The following NHSL1 variants were observed in gnomAD, a reference collection of about 807,000 sequenced individuals.
The protein encoded by NHSL1 is NHS like 1.
In NHSL1, 48 loss-of-function variants were observed where a neutral mutation model predicts 95.0. The ratio of observed to expected loss-of-function variants is 0.51; its 90% CI spans 0.40 to 0.64. NHSL1 has a LOEUF of 0.64. NHSL1 is among the 30% of genes least tolerant of loss of function. The pLI, the probability that NHSL1 is intolerant of heterozygous loss-of-function variation, is 0.00. For synonymous variants in NHSL1, 783 were observed against 833.9 expected (o/e 0.94, Z 1.05); for missense variants, 1,971 against 2,077.7 (o/e 0.95, Z 1.00).
At position 138,432,618 on chromosome 6, in the gene NHSL1, G is replaced by A. The variant is rs1775776280; in HGVS notation, c.1727C>T (p.Ser576Phe). The A allele has an allele frequency of 6.4e-7, 1 of 1,551,612 alleles. No homozygotes were observed. Among genetic ancestry groups the A allele is most frequent in the African/African-American group, 1.4e-5 (1 of 73,132 alleles). Residue 576 changes from serine (S) to phenylalanine (F), a missense_variant, in exon 6 of 8, where the codon TCC becomes TTC. This residue lies in a region of NHSL1 where 1,602 missense variants were observed against 1,654.5 expected (regional missense o/e 0.97). Coordinates refer to ENST00000343505, the MANE Select transcript of NHSL1 (RefSeq NM_001144060.2). The surrounding 1 kb of genome is among the most constrained non-coding windows in gnomAD (Gnocchi z 4.4). The stretch of plus-strand genomic sequence containing the variant: ...GCTGCTCATGTTACTTGTGGGAGTG[G>A]AATAGCCAGGAGTTGCTAAATGCGG... ...LKPHLATPGY[S>F]TPTSNMSSCS...
chr6:138,479,519 G>A (rs1318207510), intron 2 of NHSL1, among the ~76,000 whole-genome samples: 1 of 152,178 alleles, frequency 6.6e-6, no homozygotes, highest in African/African-American at 2.4e-5. Context: ...GATGGACAAA[G>A]GGAGGTTTCA....
intron 1 of NHSL1, among the ~76,000 whole-genome samples, chr6:138,595,874 C>T (rs533230052): frequency 1.6e-4 from 25 of 152,228 alleles, no homozygotes; most frequent in South Asian, 2.1e-4. Flanking sequence ...CTATGTGCCA[C>T]GATCTGTATA....
intron 1 of NHSL1, among the ~76,000 whole-genome samples, chr6:138,529,799 C>T (rs774554913): frequency 1.3e-5 from 2 of 152,236 alleles, no homozygotes; most frequent in African/African-American, 2.4e-5. Flanking sequence ...CCTGTGATTA[C>T]ATTAGGCCCA....
intron 1 of NHSL1, among the ~76,000 whole-genome samples, chr6:138,520,403 C>A (rs1781631054): frequency 6.6e-6 from 1 of 150,828 alleles, no homozygotes. Context: ...ATTCTCCTGC[C>A]CTCCACCTTC....
chr6:138,530,991 A>T (rs1373489422), intron 1 of NHSL1, among the ~76,000 whole-genome samples: 1 of 152,132 alleles, frequency 6.6e-6, no homozygotes, highest in African/African-American at 2.4e-5. Context: ...TTTTTAAAAA[A>T]AAGGCCACAG....
intron 1 of NHSL1, among the ~76,000 whole-genome samples, chr6:138,606,660 T>C (rs1040551102): frequency 6.6e-6 from 1 of 151,580 alleles, no homozygotes; most frequent in Admixed American, 6.6e-5. Flanking sequence ...GCAGTGTCCC[T>C]ACCCCACCTT....
rs970344879 is a variant in NHSL1 at position 138,526,461 on chromosome 6, A to G, written c.16+19162T>C. Among the ~76,000 whole-genome samples, 3 of 152,196 alleles carry G rather than the reference A, an allele frequency of 2.0e-5. No homozygotes were observed. The East Asian group carries it at 5.8e-4, about 29-fold the overall frequency. On this transcript the variant is annotated intron_variant, in intron 1 of 4. Transcript: ENST00000342260. The stretch of plus-strand genomic sequence containing the variant: ...GCACCACTGCACTCCAGCCTGGGTG[A>G]TAGAGTGAGCCCTGTCTGGAAAAAT...
At chr6:138,488,848 T>C (rs1011163597) in intron 2 of NHSL1, among the ~76,000 whole-genome samples, 2 of 152,188 alleles carry the variant, frequency 1.3e-5, no homozygotes, top group South Asian at 2.1e-4. Context: ...GAGATCAGAA[T>C]AGGCCAGCAT....
At chr6:138,515,791 G>A (rs117909084) in intron 1 of NHSL1, among the ~76,000 whole-genome samples, 4,331 of 152,328 alleles carry the variant, frequency 0.028, 81 homozygotes, top group South Asian at 0.049. Flanking sequence ...GGTGACATGT[G>A]AGCTAGGCCT....
At chr6:138,455,635 C>A (rs1440785116) in intron 3 of NHSL1, among the ~76,000 whole-genome samples, 1 of 152,178 alleles carries the variant, frequency 6.6e-6, no homozygotes, top group Non-Finnish European at 1.5e-5. Flanking sequence ...TCTCCATTTC[C>A]AGATTAAAAT....
intron 5 of NHSL1, among the ~76,000 whole-genome samples, chr6:138,440,094 G>T (rs1351710841): frequency 2.0e-5 from 3 of 151,980 alleles, no homozygotes; most frequent in Non-Finnish European, 4.4e-5. Context: ...CTTTACTTGG[G>T]CCACACTATC....
rs199956801 is a variant in NHSL1 at position 138,460,901 on chromosome 6, CT to C, written c.339+12404del. Among the ~76,000 whole-genome samples, 30 of 151,910 alleles carry C rather than the reference CT, an allele frequency of 2.0e-4. No homozygotes were observed. The East Asian group carries it at 5.8e-3, about 29-fold the overall frequency. On this transcript the variant is annotated intron_variant, in intron 3 of 7. Coordinates refer to ENST00000343505, the MANE Select transcript of NHSL1 (RefSeq NM_001144060.2). ...ATAGCACGACCCATCCAACACCTAC[CT>C]GAATCCTTCACAGCCTCGCTTCTAA...
Position 138,433,165 on chromosome 6 carries a change from T to G in NHSL1, c.1180A>C (p.Asn394His). Reference sequence around the variant, plus strand: ...ACCACACACGCTGGGCTCATTATATTTTCACTCTCGAAGTGTCTCAACTCC... The same window carrying G: ...ACCACACACGCTGGGCTCATTATATGTTCACTCTCGAAGTGTCTCAACTCC... Reference protein sequence around the residue: ...SQELRHFESENIMSPACVVSP... With the variant: ...SQELRHFESEHIMSPACVVSP... The change falls in exon 6 of 8, where the codon AAT becomes CAT. Residue 394 changes from asparagine (N) to histidine (H), a missense_variant. This residue lies in a region of NHSL1 where 1,602 missense variants were observed against 1,654.5 expected (regional missense o/e 0.97). Transcript: ENST00000343505. The G allele has an allele frequency of 6.4e-7, 1 of 1,551,408 alleles. No individual in the cohort carries two copies. The highest frequency in any genetic ancestry group is 8.7e-7 in the Non-Finnish European group (1 of 1,146,908).
chr6:138,671,260 C>T (rs1295539628), intron 1 of NHSL1, among the ~76,000 whole-genome samples: 1 of 151,938 alleles, frequency 6.6e-6, no homozygotes, highest in East Asian at 1.9e-4. Context: ...AGTTCGAGAC[C>T]AGCCTGGCCA....
In NHSL1 at chr6:138,650,353, G is replaced by T; in HGVS notation, c.96+42123C>A. On this transcript the variant is annotated intron_variant, in intron 1 of 3. Transcript: ENST00000491526. Reference sequence around the variant, plus strand: ...TTGAACACCGGGGAGTAACGGGGGAGCCCAGCCTGCAGCCCACAGTTGTTC... The same window carrying T: ...TTGAACACCGGGGAGTAACGGGGGATCCCAGCCTGCAGCCCACAGTTGTTC... 5 of 1,135,504 alleles carry T rather than the reference G, an allele frequency of 4.4e-6. No homozygotes were observed. In the East Asian group the frequency reaches 1.1e-4, roughly 24 times the overall value. 70.3% of individuals were successfully genotyped at this position (1,135,504 alleles called of 1,614,324 possible).
At chr6:138,660,596 G>A (rs1018718785) in intron 1 of NHSL1, among the ~76,000 whole-genome samples, 1 of 150,498 alleles carries the variant, frequency 6.6e-6, no homozygotes, top group African/African-American at 2.4e-5. Context: ...AGCCGAGATC[G>A]CGCCACTGCA....
intron 1 of NHSL1, among the ~76,000 whole-genome samples, chr6:138,612,610 G>C (rs1784528955): frequency 6.6e-6 from 1 of 152,142 alleles, no homozygotes; most frequent in Non-Finnish European, 1.5e-5. Context: ...CTCTGAGGAG[G>C]GGGTTGGTCA....
intron 2 of NHSL1, among the ~76,000 whole-genome samples, chr6:138,488,218 C>T (rs970925200): frequency 2.0e-5 from 3 of 151,760 alleles, no homozygotes; most frequent in African/African-American, 4.8e-5. Flanking sequence ...GCGGAGGTTG[C>T]AGTGAGCCGA....
chr6:138,502,733 G>A (rs963618620), upstream of NHSL1, among the ~76,000 whole-genome samples: 2 of 152,194 alleles, frequency 1.3e-5, no homozygotes, highest in Non-Finnish European at 2.9e-5. Context: ...CTGACCAGAG[G>A]AGTGACCCCT....
Sources: gnomAD v4.1 joint callset for allele counts (sites outside exome capture counted in the v4.1 genomes callset) on GRCh38, gnomAD v4.1.1 for gene constraint, gnomAD v4.1.1 regional missense constraint, Gnocchi (gnomAD v3.1) non-coding constraint, MANE v1.5 for transcripts, NCBI Gene and HGNC (gene_info 2026-07-23, HGNC 2026-07-21) for gene names.